The following PRKAR1A variants were observed in gnomAD, a reference collection of about 807,000 sequenced individuals.
PRKAR1A encodes the protein protein kinase cAMP-dependent type I regulatory subunit alpha, also known as cAMP-dependent protein kinase type I-alpha regulatory subunit.
Under a neutral mutation model 52.0 loss-of-function variants are expected in PRKAR1A, and 3 were observed. That is an observed-to-expected ratio of 0.06 (90% CI 0.03 to 0.15). The LOEUF (loss-of-function observed/expected upper bound fraction) is 0.15. PRKAR1A is among the 10% of genes least tolerant of loss of function. The probability of loss-of-function intolerance (pLI) is 1.00; values close to 1 mark genes in which losing one functional copy is unlikely to be tolerated. For synonymous variants in PRKAR1A, 188 were observed against 168.4 expected (o/e 1.12, Z -0.90); for missense variants, 240 against 477.4 (o/e 0.50, Z 4.63).
the PRKAR1A span, among the ~76,000 whole-genome samples, chr17:68,470,550 G>A: frequency 6.6e-6 from 1 of 152,058 alleles, no homozygotes; most frequent in Non-Finnish European, 1.5e-5. Context: ...TTTTCTCTTC[G>A]ATATCCTTTG....
the PRKAR1A span, among the ~76,000 whole-genome samples, chr17:68,495,721 A>G: frequency 6.6e-6 from 1 of 152,014 alleles, no homozygotes; most frequent in South Asian, 2.1e-4. Flanking sequence ...TGCTATAACA[A>G]ATTACAGAAA....
At chr17:68,537,215 C>T (rs903174373), downstream of PRKAR1A, 5 of 626,768 alleles carry the variant, frequency 8.0e-6, no homozygotes, top group Non-Finnish European at 1.5e-5. The surrounding 1 kb of genome is among the most constrained non-coding windows in gnomAD (Gnocchi z 4.2). Flanking sequence ...TTTCCCAGTG[C>T]ACTCAGGAGA....
the PRKAR1A span, among the ~76,000 whole-genome samples, chr17:68,477,733 G>C: frequency 2.8e-5 from 4 of 144,090 alleles, no homozygotes; most frequent in Non-Finnish European, 6.1e-5. Context: ...TTTTATTTAT[G>C]TTATTTGAGA....
chr17:68,510,987 AGAAT>A (rs1181386807), upstream of PRKAR1A, among the ~76,000 whole-genome samples: 3 of 152,244 alleles, frequency 2.0e-5, no homozygotes, highest in Admixed American at 2.0e-4. Flanking sequence ...AGCTACACTA[AGAAT>A]TAAAAAACAA....
At chr17:68,503,595 A>G in the PRKAR1A span, among the ~76,000 whole-genome samples, 1 of 152,222 alleles carries the variant, frequency 6.6e-6, no homozygotes, top group Non-Finnish European at 1.5e-5. Context: ...TAAAAAGGCT[A>G]CATAGTGTAT....
downstream of PRKAR1A, chr17:68,535,117 C>CA (rs2143423141): frequency 5.5e-6 from 2 of 365,542 alleles, no homozygotes; most frequent in South Asian, 4.2e-5. Context: ...GAAAAGTTCT[C>CA]AGAGTCAAGA....
At chr17:68,446,056 A>C in the PRKAR1A span, among the ~76,000 whole-genome samples, 1 of 152,202 alleles carries the variant, frequency 6.6e-6, no homozygotes, top group Non-Finnish European at 1.5e-5. Flanking sequence ...AATACCACAC[A>C]AAAGAGGCAG....
chr17:68,517,721 C>A (rs891278193), intron 2 of PRKAR1A, among the ~76,000 whole-genome samples: 1 of 152,140 alleles, frequency 6.6e-6, no homozygotes, highest in South Asian at 2.1e-4. Flanking sequence ...ACCTCTGGCC[C>A]CTCCCAGATC....
chr17:68,465,760 C>T, the PRKAR1A span, among the ~76,000 whole-genome samples: 2 of 150,886 alleles, frequency 1.3e-5, no homozygotes, highest in South Asian at 4.2e-4. Flanking sequence ...TGAGCCATCG[C>T]GCCCGGCCTG....
chr17:68,534,802 G>A (rs778053818), downstream of PRKAR1A, among the ~76,000 whole-genome samples: 9 of 152,224 alleles, frequency 5.9e-5, no homozygotes, highest in Non-Finnish European at 8.8e-5. Flanking sequence ...TTAAACATGC[G>A]TTAACATAAA....
the PRKAR1A span, among the ~76,000 whole-genome samples, chr17:68,478,490 C>A: frequency 0.024 from 3,657 of 152,194 alleles, 174 homozygotes; most frequent in African/African-American, 0.085. Context: ...AACCAAAAAA[C>A]CCATTTTTCT....
At chr17:68,486,509 CTTTCTTT>C in the PRKAR1A span, among the ~76,000 whole-genome samples, 388 of 43,422 alleles carry the variant, frequency 8.9e-3, 3 homozygotes, top group Non-Finnish European at 0.013. Context: ...TTCCTTCCTT[CTTTCTTT>C]CTTTCTTTCT....
rs933370962 is a variant in PRKAR1A at position 68,540,652 on chromosome 17, GCTT to G, written c.974-10427_974-10425del. The G allele has an allele frequency of 1.5e-5, 11 of 718,928 alleles. No individual in the cohort carries two copies. In the African/African-American group the frequency reaches 1.7e-4, roughly 11 times the overall value. 44.5% of individuals were successfully genotyped at this position (718,928 alleles called of 1,614,324 possible). A position where few individuals can be genotyped will look rare whatever the true frequency, so the allele number is the denominator to read the frequency against. On this transcript the variant is annotated intron_variant, in intron 11 of 11. Transcript: ENST00000585981. ...TGCCTTATGAGTGACGACCCCTTGA[GCTT>G]CTTCCAGTTCTTTGAAGAGAGGGGA...
the PRKAR1A span, chr17:68,420,387 C>T: frequency 1.2e-6 from 2 of 1,614,172 alleles, no homozygotes; most frequent in Non-Finnish European, 1.7e-6. Context: ...ATCTCCAGCG[C>T]AGATTACACT....
the PRKAR1A span, among the ~76,000 whole-genome samples, chr17:68,487,498 G>C: frequency 6.6e-6 from 1 of 152,068 alleles, no homozygotes; most frequent in Non-Finnish European, 1.5e-5. Flanking sequence ...ATTCATTATT[G>C]ACTTATTGGA....
At chr17:68,521,797 C>A (rs896349864) in intron 2 of PRKAR1A, among the ~76,000 whole-genome samples, 4 of 152,096 alleles carry the variant, frequency 2.6e-5, no homozygotes, top group African/African-American at 9.7e-5. Flanking sequence ...TGGGCACTTA[C>A]AAATTTATAT....
At chr17:68,438,195 G>A in the PRKAR1A span, among the ~76,000 whole-genome samples, 1 of 152,122 alleles carries the variant, frequency 6.6e-6, no homozygotes, top group Non-Finnish European at 1.5e-5. Flanking sequence ...GCCATGCATA[G>A]CTACGGGAGG....
downstream of PRKAR1A, chr17:68,537,730 T>C: frequency 6.2e-7 from 1 of 1,611,514 alleles, no homozygotes; most frequent in Non-Finnish European, 8.5e-7. This position sits in a 1 kb window ranked among gnomAD's most constrained non-coding sequence, Gnocchi z 4.2. Context: ...CAAAAGTGTT[T>C]TCTTTTTTAT....
the PRKAR1A span, chr17:68,413,986 G>A: frequency 2.6e-5 from 4 of 155,092 alleles, no homozygotes; most frequent in Non-Finnish European, 5.7e-5. Context: ...CGCACGGTGC[G>A]CGCACCCACT....
Sources: gnomAD v4.1 joint callset for allele counts (sites outside exome capture counted in the v4.1 genomes callset) on GRCh38, gnomAD v4.1.1 for gene constraint, Gnocchi (gnomAD v3.1) non-coding constraint, MANE v1.5 for transcripts, NCBI Gene and HGNC (gene_info 2026-07-23, HGNC 2026-07-21) for gene names.